SDCCAG8: variants seen among roughly 807,000 people sequenced by gnomAD.
SDCCAG8 encodes SHH signaling and ciliogenesis regulator SDCCAG8.
A neutral mutation model predicts 101.8 loss-of-function variants in SDCCAG8; 74 were observed. The observed-to-expected ratio is 0.73, with a 90% confidence interval of 0.60 to 0.88. SDCCAG8 has a LOEUF of 0.88. Ranked by LOEUF, SDCCAG8 falls within the 40% of genes least tolerant of loss-of-function variation. The pLI, the probability that SDCCAG8 is intolerant of heterozygous loss-of-function variation, is 0.00. For synonymous variants in SDCCAG8, 281 were observed against 292.9 expected (o/e 0.96, Z 0.41); for missense variants, 787 against 822.6 (o/e 0.96, Z 0.53).
At chr1:243,381,386 C>T (rs977771073) in intron 13 of SDCCAG8, among the ~76,000 whole-genome samples, 1 of 152,060 alleles carries the variant, frequency 6.6e-6, no homozygotes, top group Non-Finnish European at 1.5e-5. Context: ...GCTAAGAGTT[C>T]GTGATCATCC....
chr1:243,477,850 A>T (rs997432521), intron 16 of SDCCAG8, among the ~76,000 whole-genome samples: 1 of 152,198 alleles, frequency 6.6e-6, no homozygotes, highest in Admixed American at 6.5e-5. Flanking sequence ...GGATGAGATC[A>T]ATGTGGCTCA....
At chr1:243,438,228 C>CTTGTGT (rs2082278661) in intron 16 of SDCCAG8, among the ~76,000 whole-genome samples, 2 of 152,246 alleles carry the variant, frequency 1.3e-5, no homozygotes, top group South Asian at 4.1e-4. Context: ...CTCTTGTCCT[C>CTTGTGT]TTGTGTTTGG....
Position 243,330,676 on chromosome 1 carries a change from A to C in SDCCAG8, c.1205A>C (p.Glu402Ala). ...MMKKEITKER[E>A]YMGSKMLILS... ...AAAAAGGAAATAACGAAAGAAAGGG[A>C]GTACATGGGATCAAAGGTACTTAAG... Residue 402 changes from glutamate (E) to alanine (A), a missense_variant, in exon 10 of 18, where the codon GAG becomes GCG. Glu to Ala is a moderately radical substitution (Grantham distance 107). Coordinates refer to ENST00000366541, the MANE Select transcript of SDCCAG8 (RefSeq NM_006642.5). The C allele has an allele frequency of 1.9e-6, 3 of 1,614,168 alleles. No homozygotes were observed. Among genetic ancestry groups the C allele is most frequent in the Non-Finnish European group, 2.5e-6 (3 of 1,180,014 alleles).
chr1:243,462,873 A>AAAAC (rs1659411124), intron 16 of SDCCAG8, among the ~76,000 whole-genome samples: 1 of 152,054 alleles, frequency 6.6e-6, no homozygotes, highest in African/African-American at 2.4e-5. Context: ...CAAAACAAAA[A>AAAAC]AAAACCCTAG....
intron 16 of SDCCAG8, among the ~76,000 whole-genome samples, chr1:243,447,581 G>T (rs969495415): frequency 6.6e-6 from 1 of 152,032 alleles, no homozygotes; most frequent in African/African-American, 2.4e-5. Flanking sequence ...TCAAAGGGGT[G>T]GGGCAGCACT....
intron 12 of SDCCAG8, among the ~76,000 whole-genome samples, chr1:243,345,297 A>T (rs535923219): frequency 1.3e-5 from 2 of 152,332 alleles, no homozygotes; most frequent in African/African-American, 4.8e-5. Flanking sequence ...TAGAACAAAA[A>T]GCTTTTCAAG....
chr1:243,306,542 T>C (rs2072151183), intron 7 of SDCCAG8: 1 of 152,190 alleles, frequency 6.6e-6, no homozygotes, highest in Non-Finnish European at 1.5e-5. Flanking sequence ...AAATCAGTCT[T>C]CTTTTCAACT....
chr1:243,294,482 G>GGGAGAGAGAGAGAGAGAAAGA (rs1259035129), intron 6 of SDCCAG8, among the ~76,000 whole-genome samples: 1 of 99,952 alleles, frequency 1.0e-5, no homozygotes, highest in Admixed American at 9.6e-5. Flanking sequence ...GTGGGGGGGG[G>GGGAGAGAGAGAGAGAGAAAGA]GAGAGAGAGA....
intron 13 of SDCCAG8, among the ~76,000 whole-genome samples, chr1:243,395,841 A>G (rs1017545949): frequency 6.6e-6 from 1 of 152,062 alleles, no homozygotes; most frequent in Non-Finnish European, 1.5e-5. Context: ...TAAATTTGAC[A>G]TTCAATTTTA....
In SDCCAG8 at chr1:243,474,557, G is replaced by A. The variant is rs1661982236; in HGVS notation, c.1986-14457G>A. On this transcript the variant is annotated intron_variant, in intron 16 of 17. Coordinates refer to ENST00000366541, the MANE Select transcript of SDCCAG8 (RefSeq NM_006642.5). This position sits in a 1 kb window ranked among gnomAD's most constrained non-coding sequence, Gnocchi z 4.7. ...CGCCCGGCAGCGCTGAGACCTGGCCGCCTAGGCCACCCTGCCCGGCGAGGG... is the reference window on the plus strand; with the variant it reads ...CGCCCGGCAGCGCTGAGACCTGGCCACCTAGGCCACCCTGCCCGGCGAGGG... 6.6e-6 allele frequency among the ~76,000 whole-genome samples: 1 copy of A among 152,210 alleles called. No individual in the cohort carries two copies. Among genetic ancestry groups the A allele is most frequent in the Non-Finnish European group, 1.5e-5 (1 of 68,028 alleles).
intron 13 of SDCCAG8, among the ~76,000 whole-genome samples, chr1:243,411,173 G>A (rs59307080): frequency 0.011 from 1,614 of 152,114 alleles, 38 homozygotes; most frequent in African/African-American, 0.037. Flanking sequence ...GAGTGCAGTG[G>A]TGTAGTTATG....
intron 12 of SDCCAG8, among the ~76,000 whole-genome samples, chr1:243,344,541 A>C (rs572376372): frequency 6.6e-6 from 1 of 152,336 alleles, no homozygotes; most frequent in Admixed American, 6.5e-5. Context: ...ATGCATATAA[A>C]ATTCCAATCT....
intron 12 of SDCCAG8, among the ~76,000 whole-genome samples, chr1:243,358,361 C>T (rs2076509438): frequency 6.6e-6 from 1 of 152,072 alleles, no homozygotes; most frequent in African/African-American, 2.4e-5. Context: ...TGAAAAGATG[C>T]TCAACATCAT....
intron 4 of SDCCAG8, among the ~76,000 whole-genome samples, chr1:243,275,521 T>C (rs1349132547): frequency 6.6e-6 from 1 of 152,196 alleles, no homozygotes; most frequent in East Asian, 1.9e-4. Flanking sequence ...ACATGTAATT[T>C]CCTGTTTGTT....
intron 13 of SDCCAG8, among the ~76,000 whole-genome samples, chr1:243,387,593 A>G (rs2078389525): frequency 6.6e-6 from 1 of 152,150 alleles, no homozygotes; most frequent in Non-Finnish European, 1.5e-5. Flanking sequence ...TGAAAGTGAG[A>G]AAAGGGTACA....
At chr1:243,450,567 G>A (rs2083273271) in intron 16 of SDCCAG8, among the ~76,000 whole-genome samples, 1 of 152,224 alleles carries the variant, frequency 6.6e-6, no homozygotes, top group Non-Finnish European at 1.5e-5. Context: ...AGCGTTGCTA[G>A]CCCCTGTTTT....
intron 9 of SDCCAG8, among the ~76,000 whole-genome samples, chr1:243,317,613 G>A (rs940222655): frequency 7.9e-5 from 12 of 152,144 alleles, no homozygotes; most frequent in Non-Finnish European, 1.6e-4. Context: ...GAGCCACTGC[G>A]CCCGGTCTTA....
In SDCCAG8 at chr1:243,274,549, T is replaced by C; in HGVS notation, c.313T>C (p.Leu105=). 1 of 1,568,514 alleles carries C rather than the reference T, an allele frequency of 6.4e-7. No homozygotes were observed. Among genetic ancestry groups the C allele is most frequent in the Non-Finnish European group, 8.8e-7 (1 of 1,140,240 alleles). The change falls in exon 4 of 18, where the codon TTA becomes CTA. Residue 105 remains leucine, a synonymous_variant. Coordinates refer to ENST00000366541, the MANE Select transcript of SDCCAG8 (RefSeq NM_006642.5). ...TATTTATTTTTTGTCATAGAGGTCA[T>C]TAGAACATGAGGAAACCAATATGCC... ...RRRKMSPLRS[L]EHEETNMPTM...
chr1:243,374,446 A>C (rs977565126), intron 12 of SDCCAG8, among the ~76,000 whole-genome samples: 6 of 152,244 alleles, frequency 3.9e-5, no homozygotes, highest in African/African-American at 1.4e-4. Context: ...AAGTTTCCAG[A>C]AAGAAAAAAA....
Sources: allele counts gnomAD v4.1 joint callset (sites outside exome capture counted in the v4.1 genomes callset), GRCh38; gene constraint gnomAD v4.1.1; non-coding constraint Gnocchi (gnomAD v3.1); transcripts MANE v1.5; gene names NCBI Gene and HGNC (gene_info 2026-07-23, HGNC 2026-07-21).